Variants in GPHN observed in about 807,000 individuals in gnomAD.
GPHN encodes the protein gephyrin.
In GPHN, 17 loss-of-function variants were observed where a neutral mutation model predicts 95.5. That is an observed-to-expected ratio of 0.18 (90% CI 0.12 to 0.27). The LOEUF (loss-of-function observed/expected upper bound fraction) is 0.27, where lower values mean the gene tolerates loss of function less well. Among genes scored for constraint, GPHN ranks in the 10% least tolerant of loss-of-function variants. The probability of loss-of-function intolerance (pLI) is 1.00; values close to 1 mark genes in which losing one functional copy is unlikely to be tolerated. For synonymous variants in GPHN, 320 were observed against 322.5 expected (o/e 0.99, Z 0.08); for missense variants, 660 against 978.1 (o/e 0.67, Z 4.34).
At chr14:67,162,994 C>T (rs1486444347) in intron 19 of GPHN, among the ~76,000 whole-genome samples, 1 of 152,112 alleles carries the variant, frequency 6.6e-6, no homozygotes, top group Admixed American at 6.6e-5. Context: ...TAATGTGATA[C>T]ATAGATGTTA....
intron 10 of GPHN, among the ~76,000 whole-genome samples, chr14:67,054,797 A>G (rs2075473735): frequency 1.3e-5 from 2 of 152,226 alleles, no homozygotes; most frequent in Non-Finnish European, 2.9e-5. Flanking sequence ...CTAAGACTGC[A>G]CATCTACAGC....
intron 1 of GPHN, among the ~76,000 whole-genome samples, chr14:66,551,614 A>AG (rs2140179533): frequency 6.6e-6 from 1 of 152,340 alleles, no homozygotes; most frequent in South Asian, 2.1e-4. Flanking sequence ...ACGGCTATAA[A>AG]GAAGTTCTTG....
chr14:67,061,197 A>G (rs909136278), intron 11 of GPHN, among the ~76,000 whole-genome samples: 2 of 152,010 alleles, frequency 1.3e-5, no homozygotes, highest in African/African-American at 4.8e-5. Flanking sequence ...ATGCACCACT[A>G]TGCCCAGCTA....
intron 1 of GPHN, among the ~76,000 whole-genome samples, chr14:66,605,388 C>T (rs2062472353): frequency 6.6e-6 from 1 of 152,026 alleles, no homozygotes; most frequent in South Asian, 2.1e-4. Context: ...TAATAATCAC[C>T]ATTCTGACTG....
the GPHN span, among the ~76,000 whole-genome samples, chr14:67,437,870 C>G: frequency 1.3e-5 from 2 of 152,054 alleles, no homozygotes; most frequent in African/African-American, 4.8e-5. Flanking sequence ...TTTTGCTGGT[C>G]TTTAGGCTTG....
chr14:67,002,809 A>C (rs1214141481), intron 9 of GPHN, among the ~76,000 whole-genome samples: 1 of 151,578 alleles, frequency 6.6e-6, no homozygotes, highest in African/African-American at 2.4e-5. Context: ...TGTTATATTA[A>C]AGGTCCAAAG....
intron 1 of GPHN, among the ~76,000 whole-genome samples, chr14:66,519,364 A>G (rs1006932447): frequency 1.3e-5 from 2 of 152,044 alleles, no homozygotes; most frequent in Non-Finnish European, 2.9e-5. Context: ...ATATTTGAAT[A>G]TGTGTATGTG....
the GPHN span, chr14:67,570,092 T>TCTAG: frequency 9.9e-7 from 1 of 1,005,444 alleles, no homozygotes; most frequent in African/African-American, 1.6e-5. Flanking sequence ...GGGGCGGGGC[T>TCTAG]CTAGGGCCAG....
chr14:66,658,568 A>G (rs2065446494), intron 1 of GPHN, among the ~76,000 whole-genome samples: 1 of 152,206 alleles, frequency 6.6e-6, no homozygotes, highest in African/African-American at 2.4e-5. Flanking sequence ...CATCAGCATC[A>G]AAGTAGGACC....
the GPHN span, among the ~76,000 whole-genome samples, chr14:67,439,533 G>GTTTCTTTCTTTCTTTTTCTTTC: frequency 2.1e-5 from 2 of 96,144 alleles, no homozygotes; most frequent in African/African-American, 9.6e-5. Flanking sequence ...AAATTCAATA[G>GTTTCTTTCTTTCTTTTTCTTTC]TTTCTTTCTT....
At chr14:66,635,937 G>A (rs2064073350) in intron 1 of GPHN, among the ~76,000 whole-genome samples, 1 of 151,800 alleles carries the variant, frequency 6.6e-6, no homozygotes, top group African/African-American at 2.4e-5. Context: ...AGGAGATCGA[G>A]ACCATCCTGG....
At chr14:67,192,273 C>T in the GPHN span, among the ~76,000 whole-genome samples, 3 of 152,072 alleles carry the variant, frequency 2.0e-5, no homozygotes, top group Non-Finnish European at 4.4e-5. Context: ...ACAAAAGATT[C>T]CATGTGTCTG....
At chr14:66,998,839 T>C (rs2153608918) in intron 9 of GPHN, among the ~76,000 whole-genome samples, 1 of 148,794 alleles carries the variant, frequency 6.7e-6, no homozygotes, top group East Asian at 2.0e-4. Flanking sequence ...TGATACTATT[T>C]AGCAAAAACA....
intron 2 of GPHN, among the ~76,000 whole-genome samples, chr14:66,729,764 T>C (rs1364838782): frequency 6.6e-6 from 1 of 152,216 alleles, no homozygotes; most frequent in Non-Finnish European, 1.5e-5. Context: ...GTAGCAACAG[T>C]GAAGGTGGAA....
intron 1 of GPHN, among the ~76,000 whole-genome samples, chr14:66,578,649 A>G (rs528650836): frequency 1.0e-4 from 12 of 115,508 alleles, no homozygotes; most frequent in African/African-American, 4.0e-4. Flanking sequence ...GGTCAGGGAT[A>G]GAGTGAAAAA....
intron 5 of GPHN, among the ~76,000 whole-genome samples, chr14:66,897,004 T>G (rs1484276252): frequency 6.6e-6 from 1 of 152,140 alleles, no homozygotes; most frequent in African/African-American, 2.4e-5. Context: ...ATATGAAAAT[T>G]TTATATTTAT....
chr14:66,685,786 A>G (rs1020938329), intron 2 of GPHN, among the ~76,000 whole-genome samples: 15 of 152,116 alleles, frequency 9.9e-5, no homozygotes, highest in Non-Finnish European at 1.9e-4. Flanking sequence ...TTATGTTGCC[A>G]TTGCTTTTGG....
chr14:66,657,111 A>G (rs2065349916), intron 1 of GPHN, among the ~76,000 whole-genome samples: 1 of 152,250 alleles, frequency 6.6e-6, no homozygotes, highest in Non-Finnish European at 1.5e-5. Flanking sequence ...ATGATAAGAA[A>G]GTAAAACAGC....
At chr14:66,908,347 C>T (rs1176573898) in intron 5 of GPHN, among the ~76,000 whole-genome samples, 2 of 151,544 alleles carry the variant, frequency 1.3e-5, no homozygotes, top group Non-Finnish European at 2.9e-5. Flanking sequence ...TGACATCTCC[C>T]GATGACCAAA....
Sources: allele counts gnomAD v4.1 joint callset (sites outside exome capture counted in the v4.1 genomes callset), GRCh38; gene constraint gnomAD v4.1.1; transcripts MANE v1.5; gene names NCBI Gene and HGNC (gene_info 2026-07-23, HGNC 2026-07-21).